Variants in EXOC6B observed in about 807,000 individuals in gnomAD.
EXOC6B encodes exocyst complex component 6B, also known as SEC15 homolog B.
In EXOC6B, 54 loss-of-function variants were observed where a neutral mutation model predicts 113.5. That is an observed-to-expected ratio of 0.48 (90% CI 0.38 to 0.60). EXOC6B has a LOEUF of 0.60. Among genes scored for constraint, EXOC6B ranks in the 20% least tolerant of loss-of-function variants. The pLI, the probability that EXOC6B is intolerant of heterozygous loss-of-function variation, is 0.00. For synonymous variants in EXOC6B, 357 were observed against 339.0 expected, an observed-to-expected ratio of 1.05 and a Z score of -0.58; for missense variants, 797 against 977.5, an observed-to-expected ratio of 0.82 and a Z score of 2.46.
At chr2:72,233,423 G>C (rs1367838823) in intron 20 of EXOC6B, among the ~76,000 whole-genome samples, 1 of 152,116 alleles carries the variant, frequency 6.6e-6, no homozygotes, top group African/African-American at 2.4e-5. Flanking sequence ...TCTGTGGGGA[G>C]CCAGGAAAAC....
rs1677455878 is a variant in EXOC6B at position 72,691,215 on chromosome 2, A to G, written c.669+26888T>C. On this transcript the variant is annotated intron_variant, in intron 6 of 21. Coordinates refer to ENST00000272427, the MANE Select transcript of EXOC6B (RefSeq NM_015189.3). ...TATGCTATCACAAATCAAGGAACACAGAGGATTGCTGGCAGCAACCATAAG... is the reference window on the plus strand; with the variant it reads ...TATGCTATCACAAATCAAGGAACACGGAGGATTGCTGGCAGCAACCATAAG... 3.9e-5 allele frequency among the ~76,000 whole-genome samples: 6 copies of G among 152,336 alleles called. No homozygotes were observed. In the South Asian group the frequency reaches 8.3e-4, roughly 21 times the overall value.
chr2:72,359,075 C>T (rs1168249147), intron 19 of EXOC6B, among the ~76,000 whole-genome samples: 1 of 152,178 alleles, frequency 6.6e-6, no homozygotes, highest in Non-Finnish European at 1.5e-5. Context: ...AACTAATCTG[C>T]TGTTTACCTT....
At chr2:72,261,373 GAA>G (rs1258623956) in intron 20 of EXOC6B, among the ~76,000 whole-genome samples, 1 of 152,152 alleles carries the variant, frequency 6.6e-6, no homozygotes, top group East Asian at 1.9e-4. Context: ...TAATTTTAAA[GAA>G]AAGTTTGTTT....
chr2:72,507,124 A>G (rs2105629355), intron 11 of EXOC6B, among the ~76,000 whole-genome samples: 1 of 152,288 alleles, frequency 6.6e-6, no homozygotes, highest in South Asian at 2.1e-4. Flanking sequence ...AGAAAAAGTA[A>G]AGAGTAATTT....
rs968947066 is a variant in EXOC6B at position 72,353,440 on chromosome 2, C to T, written c.2123-18420G>A. ...AGGCTGGAGTGCATTGGCACCATCTCGGCTCACTGCAACCTCTGCCTCCCA... is the reference window on the plus strand; with the variant it reads ...AGGCTGGAGTGCATTGGCACCATCTTGGCTCACTGCAACCTCTGCCTCCCA... On this transcript the variant is annotated intron_variant, in intron 19 of 21. Transcript: ENST00000272427. 2.0e-5 allele frequency among the ~76,000 whole-genome samples: 3 copies of T among 146,596 alleles called. No individual in the cohort carries two copies. The East Asian group carries it at 5.8e-4, about 28-fold the overall frequency.
intron 20 of EXOC6B, among the ~76,000 whole-genome samples, chr2:72,275,104 T>A (rs747062827): frequency 6.6e-6 from 1 of 152,192 alleles, no homozygotes; most frequent in Non-Finnish European, 1.5e-5. Flanking sequence ...ACCCACTTGA[T>A]AACTGTAGCA....
At chr2:72,245,040 G>T (rs1438072408) in intron 20 of EXOC6B, among the ~76,000 whole-genome samples, 1 of 152,160 alleles carries the variant, frequency 6.6e-6, no homozygotes, top group Non-Finnish European at 1.5e-5. Flanking sequence ...ACTCAACATT[G>T]TCAAGATATT....
rs1381222539 is a variant in EXOC6B, at chr2:72,466,896, C to A, written c.1801-1557G>T. 2.6e-5 allele frequency among the ~76,000 whole-genome samples: 4 copies of A among 152,104 alleles called. No homozygotes were observed. In the East Asian group the frequency reaches 7.7e-4, roughly 29 times the overall value. ...CTGCTAGCATTTTTCAAGAATATAA[C>A]ACAGTTATTAACTATAATCATCATG... On this transcript the variant is annotated intron_variant, in intron 17 of 21. Transcript: ENST00000272427.
At chr2:72,687,580 T>G (rs1037616944) in intron 6 of EXOC6B, among the ~76,000 whole-genome samples, 7 of 152,042 alleles carry the variant, frequency 4.6e-5, no homozygotes, top group African/African-American at 1.7e-4. Flanking sequence ...CAACGTTAAG[T>G]AGGGAAGAAA....
intron 6 of EXOC6B, among the ~76,000 whole-genome samples, chr2:72,668,035 C>T (rs557463536): frequency 6.6e-6 from 1 of 152,148 alleles, no homozygotes; most frequent in South Asian, 2.1e-4. Flanking sequence ...ACCAATAACC[C>T]CAGTAAAAGT....
At chr2:72,490,230 A>C (rs1699667293) in intron 16 of EXOC6B, among the ~76,000 whole-genome samples, 1 of 152,166 alleles carries the variant, frequency 6.6e-6, no homozygotes, top group South Asian at 2.1e-4. Flanking sequence ...TGGGGAAAAA[A>C]ACCTAGATTT....
intron 1 of EXOC6B, among the ~76,000 whole-genome samples, chr2:72,755,366 T>C (rs1459826645): frequency 2.6e-5 from 4 of 152,138 alleles, no homozygotes; most frequent in African/African-American, 9.7e-5. Context: ...TATACAGTAA[T>C]GATTTATTTA....
At chr2:72,496,991 A>ATTATTG (rs2105572024) in intron 13 of EXOC6B, among the ~76,000 whole-genome samples, 1 of 139,322 alleles carries the variant, frequency 7.2e-6, no homozygotes, top group East Asian at 2.1e-4. Context: ...TATTATTATT[A>ATTATTG]GAGACAGGGT....
chr2:72,749,644 A>G (rs548921640), intron 1 of EXOC6B, among the ~76,000 whole-genome samples: 79 of 152,154 alleles, frequency 5.2e-4, no homozygotes, highest in African/African-American at 1.9e-3. Context: ...AAATATTAAG[A>G]GACTGTGTAT....
At chr2:72,207,934 C>T (rs1469556998) in intron 20 of EXOC6B, among the ~76,000 whole-genome samples, 1 of 152,154 alleles carries the variant, frequency 6.6e-6, no homozygotes, top group Non-Finnish European at 1.5e-5. Context: ...CTTTATAGTT[C>T]ACAAAATGTT....
chr2:72,711,019 A>T (rs1226006481), intron 6 of EXOC6B, among the ~76,000 whole-genome samples: 1 of 152,248 alleles, frequency 6.6e-6, no homozygotes, highest in African/African-American at 2.4e-5. Context: ...GAATGATTAC[A>T]TTACAAATGT....
intron 20 of EXOC6B, among the ~76,000 whole-genome samples, chr2:72,292,410 C>A (rs978049995): frequency 3.3e-5 from 5 of 151,990 alleles, no homozygotes; most frequent in Admixed American, 2.6e-4. Flanking sequence ...CAGGGAGGTT[C>A]CCCTGATGAT....
chr2:72,190,432 G>A (rs185218516), intron 20 of EXOC6B, among the ~76,000 whole-genome samples: 7 of 152,150 alleles, frequency 4.6e-5, no homozygotes, highest in Non-Finnish European at 1.0e-4. Flanking sequence ...CATTCCAGTT[G>A]ATTTTCATTA....
intron 1 of EXOC6B, among the ~76,000 whole-genome samples, chr2:72,769,673 G>A (rs1000354797): frequency 6.6e-6 from 1 of 152,124 alleles, no homozygotes; most frequent in Non-Finnish European, 1.5e-5. Context: ...TTAGCCGGGT[G>A]TGGTGACACG....
Sources: allele counts gnomAD v4.1 joint callset (sites outside exome capture counted in the v4.1 genomes callset), GRCh38; gene constraint gnomAD v4.1.1; transcripts MANE v1.5; gene names NCBI Gene and HGNC (gene_info 2026-07-23, HGNC 2026-07-21).